The following CNTN5 variants were observed in gnomAD, a reference collection of about 807,000 sequenced individuals.
The protein encoded by CNTN5 is contactin-5.
In CNTN5, 77 loss-of-function variants were observed where a neutral mutation model predicts 129.1. That is an observed-to-expected ratio of 0.60 (90% CI 0.50 to 0.72). The LOEUF (loss-of-function observed/expected upper bound fraction) is 0.72. Among genes scored for constraint, CNTN5 ranks in the 30% least tolerant of loss-of-function variants. The probability of loss-of-function intolerance (pLI) is 0.00; values close to 1 mark genes in which losing one functional copy is unlikely to be tolerated. For synonymous variants in CNTN5, 509 were observed against 465.6 expected (o/e 1.09, Z -1.20); for missense variants, 1,478 against 1,328.8 (o/e 1.11, Z -1.75).
At chr11:99,025,339 A>G (rs138497101) in intron 1 of CNTN5, among the ~76,000 whole-genome samples, 1 of 152,040 alleles carries the variant, frequency 6.6e-6, no homozygotes, top group East Asian at 1.9e-4. Flanking sequence ...TAGGCAAGGA[A>G]TATTTCATTT....
At chr11:100,042,477 G>T (rs981921902) in intron 9 of CNTN5, among the ~76,000 whole-genome samples, 3 of 152,126 alleles carry the variant, frequency 2.0e-5, no homozygotes, top group Non-Finnish European at 4.4e-5. Flanking sequence ...AAAATAGGAA[G>T]CTCCATTAGA....
At chr11:99,233,582 G>A (rs549787677) in intron 1 of CNTN5, among the ~76,000 whole-genome samples, 8 of 152,132 alleles carry the variant, frequency 5.3e-5, no homozygotes, top group Non-Finnish European at 1.0e-4. Context: ...TATTGAGTTG[G>A]GTCATGATCA....
At chr11:99,516,755 T>A (rs1164483583) in intron 2 of CNTN5, among the ~76,000 whole-genome samples, 2 of 152,168 alleles carry the variant, frequency 1.3e-5, no homozygotes, top group East Asian at 1.9e-4. Context: ...AGATTTCTTG[T>A]TAATGAAATT....
At chr11:99,893,868 T>C (rs1371567161) in intron 6 of CNTN5, among the ~76,000 whole-genome samples, 3 of 152,164 alleles carry the variant, frequency 2.0e-5, no homozygotes, top group Admixed American at 6.6e-5. Context: ...AAATAATATA[T>C]AGTTTTTAAA....
At chr11:99,466,837 A>G (rs1944963667) in intron 2 of CNTN5, among the ~76,000 whole-genome samples, 1 of 151,944 alleles carries the variant, frequency 6.6e-6, no homozygotes, top group Non-Finnish European at 1.5e-5. Context: ...ATTTTTTTTT[A>G]AATACGGATT....
At chr11:99,747,808 A>C (rs1323662658) in intron 3 of CNTN5, among the ~76,000 whole-genome samples, 2 of 152,228 alleles carry the variant, frequency 1.3e-5, no homozygotes, top group East Asian at 3.9e-4. Context: ...TCATAGATGA[A>C]AATAGTTTTT....
intron 13 of CNTN5, among the ~76,000 whole-genome samples, chr11:100,170,087 A>T (rs1186661547): frequency 6.6e-6 from 1 of 151,960 alleles, no homozygotes; most frequent in African/African-American, 2.4e-5. Flanking sequence ...CACTCCACAA[A>T]TAGTAGCTAA....
intron 8 of CNTN5, among the ~76,000 whole-genome samples, chr11:99,991,111 G>C (rs989827412): frequency 6.6e-6 from 1 of 152,228 alleles, no homozygotes; most frequent in Non-Finnish European, 1.5e-5. Flanking sequence ...TAGGTTATGA[G>C]CTAGAACCTG....
At chr11:99,338,853 CT>C (rs1184342987) in intron 2 of CNTN5, among the ~76,000 whole-genome samples, 1 of 145,920 alleles carries the variant, frequency 6.9e-6, no homozygotes, top group Non-Finnish European at 1.5e-5. Context: ...ATTATAACAT[CT>C]TTTTTCTAAT....
chr11:100,148,410 AATAGCC>A (rs1423141532), intron 13 of CNTN5, among the ~76,000 whole-genome samples: 1 of 152,154 alleles, frequency 6.6e-6, no homozygotes, highest in African/African-American at 2.4e-5. Context: ...GTGAAAGACA[AATAGCC>A]ATAGCCTCTT....
intron 13 of CNTN5, among the ~76,000 whole-genome samples, chr11:100,098,210 C>CA (rs1010216545): frequency 2.0e-5 from 3 of 150,062 alleles, no homozygotes; most frequent in Non-Finnish European, 4.4e-5. Context: ...TATGTATAAG[C>CA]AAAAAAAAGT....
At chr11:99,509,117 G>A (rs988868614) in intron 2 of CNTN5, among the ~76,000 whole-genome samples, 2 of 150,284 alleles carry the variant, frequency 1.3e-5, no homozygotes, top group Non-Finnish European at 2.9e-5. Flanking sequence ...AAAGTACTAA[G>A]TTGAATATAA....
chr11:99,619,716 A>T (rs936465108), intron 3 of CNTN5, among the ~76,000 whole-genome samples: 1 of 152,138 alleles, frequency 6.6e-6, no homozygotes, highest in African/African-American at 2.4e-5. Flanking sequence ...CAGGTCTTAC[A>T]TAAAATGTGA....
intron 13 of CNTN5, among the ~76,000 whole-genome samples, chr11:100,171,046 C>A (rs761416810): frequency 6.6e-6 from 1 of 151,874 alleles, no homozygotes; most frequent in Non-Finnish European, 1.5e-5. Context: ...GTACTGACTG[C>A]CACTGTATTT....
intron 9 of CNTN5, among the ~76,000 whole-genome samples, chr11:100,006,663 C>T (rs1940212058): frequency 6.6e-6 from 1 of 152,090 alleles, no homozygotes; most frequent in Non-Finnish European, 1.5e-5. Context: ...TTACTTTCCC[C>T]ACTAAAGTTT....
chr11:100,292,081 C>T (rs1950995598), intron 18 of CNTN5, among the ~76,000 whole-genome samples: 1 of 151,936 alleles, frequency 6.6e-6, no homozygotes, highest in Admixed American at 6.6e-5. Flanking sequence ...TCCATGGTCT[C>T]TCATTCCTTC....
intron 13 of CNTN5, among the ~76,000 whole-genome samples, chr11:100,131,586 T>C (rs1206285227): frequency 6.6e-6 from 1 of 151,572 alleles, no homozygotes; most frequent in Admixed American, 6.6e-5. Flanking sequence ...GTGAAAGAGA[T>C]TGCCAACAGA....
At chr11:99,425,421 G>T (rs1375331531) in intron 2 of CNTN5, among the ~76,000 whole-genome samples, 3 of 152,220 alleles carry the variant, frequency 2.0e-5, no homozygotes, top group African/African-American at 2.4e-5. Flanking sequence ...TTCGTGCTGA[G>T]AGATGCCTGC....
chr11:99,055,931 GT>G (rs1472365711), intron 1 of CNTN5, among the ~76,000 whole-genome samples: 1 of 151,774 alleles, frequency 6.6e-6, no homozygotes, highest in African/African-American at 2.4e-5. Context: ...GTCTCCTTCG[GT>G]TTCAATTTCA....
Sources: gnomAD v4.1 joint callset for allele counts (sites outside exome capture counted in the v4.1 genomes callset) on GRCh38, gnomAD v4.1.1 for gene constraint, MANE v1.5 for transcripts, NCBI Gene and HGNC (gene_info 2026-07-23, HGNC 2026-07-21) for gene names.